Variants in TENM3 observed in about 807,000 individuals in gnomAD.
TENM3 encodes the protein teneurin-3.
Under a neutral mutation model 255.1 loss-of-function variants are expected in TENM3, and 63 were observed. The ratio of observed to expected loss-of-function variants is 0.25; its 90% CI spans 0.20 to 0.30. TENM3 has a LOEUF of 0.30. Among genes scored for constraint, TENM3 ranks in the 10% least tolerant of loss-of-function variants. The pLI is 1.00. For synonymous variants in TENM3, 1,306 were observed against 1,322.3 expected, an observed-to-expected ratio of 0.99 and a Z score of 0.27; for missense variants, 2,929 against 3,461.1, an observed-to-expected ratio of 0.85 and a Z score of 3.86.
the TENM3 span, among the ~76,000 whole-genome samples, chr4:181,994,206 A>C: frequency 6.6e-6 from 1 of 152,192 alleles, no homozygotes; most frequent in African/African-American, 2.4e-5. Context: ...ATAAGCAATA[A>C]AACAATTATC....
chr4:182,356,892 A>G (rs1216582338), intron 3 of TENM3, among the ~76,000 whole-genome samples: 2 of 102,994 alleles, frequency 1.9e-5, no homozygotes, highest in African/African-American at 7.7e-5. Flanking sequence ...AACAGTCCCC[A>G]GAGTGTGATG....
At chr4:182,632,927 C>A (rs1036148464) in intron 5 of TENM3, among the ~76,000 whole-genome samples, 1 of 151,626 alleles carries the variant, frequency 6.6e-6, no homozygotes, top group South Asian at 2.1e-4. Flanking sequence ...TTTTATTTAT[C>A]TTTTATATTT....
chr4:181,539,108 A>G, the TENM3 span, among the ~76,000 whole-genome samples: 234 of 152,344 alleles, frequency 1.5e-3, 1 homozygote, highest in African/African-American at 5.1e-3. Context: ...ACTACGTTCA[A>G]TGTTCATGAC....
the TENM3 span, among the ~76,000 whole-genome samples, chr4:181,517,080 A>G: frequency 2.0e-5 from 3 of 152,074 alleles, no homozygotes; most frequent in Non-Finnish European, 2.9e-5. Flanking sequence ...GTACACTGTC[A>G]TGTATTCAAC....
chr4:182,412,630 C>A (rs1487494330), intron 3 of TENM3, among the ~76,000 whole-genome samples: 2 of 151,946 alleles, frequency 1.3e-5, no homozygotes, highest in Non-Finnish European at 2.9e-5. Flanking sequence ...CTTTGGGAGG[C>A]CGAGGTGGGC....
the TENM3 span, chr4:181,834,753 C>CT: frequency 6.6e-6 from 1 of 152,264 alleles, no homozygotes; most frequent in East Asian, 1.9e-4. Context: ...TCACACTATT[C>CT]TACAGCCAAC....
the TENM3 span, among the ~76,000 whole-genome samples, chr4:182,012,397 G>A: frequency 2.0e-5 from 3 of 152,058 alleles, no homozygotes; most frequent in Admixed American, 1.3e-4. Flanking sequence ...TCAGCAAATA[G>A]CAATATAATT....
the TENM3 span, among the ~76,000 whole-genome samples, chr4:181,794,666 C>G: frequency 1.4e-5 from 2 of 142,900 alleles, no homozygotes; most frequent in Admixed American, 7.1e-5. Flanking sequence ...AATAATATCC[C>G]TGTGTGTGTG....
At chr4:181,880,384 A>G in the TENM3 span, among the ~76,000 whole-genome samples, 1 of 152,246 alleles carries the variant, frequency 6.6e-6, no homozygotes, top group Non-Finnish European at 1.5e-5. Context: ...CAAATAATAA[A>G]TATGCAAATG....
chr4:181,541,069 A>G, the TENM3 span, among the ~76,000 whole-genome samples: 1 of 152,162 alleles, frequency 6.6e-6, no homozygotes, highest in Non-Finnish European at 1.5e-5. Context: ...AAATCCATTT[A>G]AAGTATATGC....
chr4:182,589,710 C>T (rs1277580386), intron 3 of TENM3, among the ~76,000 whole-genome samples: 1 of 152,058 alleles, frequency 6.6e-6, no homozygotes, highest in Admixed American at 6.5e-5. Context: ...CAGTGGCTCA[C>T]GCCTGTAATC....
the TENM3 span, among the ~76,000 whole-genome samples, chr4:181,594,675 G>A: frequency 7.9e-6 from 1 of 126,974 alleles, no homozygotes; most frequent in African/African-American, 2.6e-5. Flanking sequence ...GTATGCTGAA[G>A]ATTCCCAAAT....
chr4:182,731,335 C>T (rs574223990), intron 16 of TENM3, among the ~76,000 whole-genome samples, 196 bp downstream of exon 16: 34 of 151,956 alleles, frequency 2.2e-4, no homozygotes, highest in Non-Finnish European at 2.8e-4. Flanking sequence ...GAAACCCCAT[C>T]TGTACTAAAA....
the TENM3 span, among the ~76,000 whole-genome samples, chr4:181,610,315 G>A: frequency 2.6e-3 from 392 of 152,260 alleles, 12 homozygotes; most frequent in East Asian, 0.056. Flanking sequence ...TTTGTGAGGC[G>A]TGTATAAGAT....
At chr4:181,822,394 G>C in the TENM3 span, among the ~76,000 whole-genome samples, 1 of 152,200 alleles carries the variant, frequency 6.6e-6, no homozygotes, top group Non-Finnish European at 1.5e-5. Context: ...TGCCGTAAGA[G>C]TCACAAAAGT....
chr4:182,011,432 C>T, the TENM3 span, among the ~76,000 whole-genome samples: 1 of 152,138 alleles, frequency 6.6e-6, no homozygotes, highest in Non-Finnish European at 1.5e-5. Flanking sequence ...CAACTCTGAT[C>T]ACCAAAATTT....
At chr4:181,597,362 C>A in the TENM3 span, among the ~76,000 whole-genome samples, 2 of 152,192 alleles carry the variant, frequency 1.3e-5, no homozygotes, top group Non-Finnish European at 2.9e-5. Flanking sequence ...TAGATTTAAT[C>A]TCAAAAACAC....
the TENM3 span, among the ~76,000 whole-genome samples, chr4:181,836,484 G>T: frequency 1.3e-5 from 2 of 151,966 alleles, no homozygotes; most frequent in African/African-American, 4.8e-5. Flanking sequence ...ATGAGGGATG[G>T]GTTCAATTTC....
chr4:181,886,423 C>T, the TENM3 span, among the ~76,000 whole-genome samples: 1 of 152,146 alleles, frequency 6.6e-6, no homozygotes, highest in Non-Finnish European at 1.5e-5. Context: ...AAATGAACTA[C>T]AAATGTATTT....
Sources: allele counts gnomAD v4.1 joint callset (sites outside exome capture counted in the v4.1 genomes callset), GRCh38; gene constraint gnomAD v4.1.1; transcripts MANE v1.5; gene names NCBI Gene and HGNC (gene_info 2026-07-23, HGNC 2026-07-21).